Variants in NRXN1 observed in about 807,000 individuals in gnomAD.
NRXN1 encodes the protein neurexin 1.
In NRXN1, 39 loss-of-function variants were observed where a neutral mutation model predicts 150.9. The ratio of observed to expected loss-of-function variants is 0.26; its 90% CI spans 0.20 to 0.34. The LOEUF (loss-of-function observed/expected upper bound fraction) is 0.34. Among genes scored for constraint, NRXN1 ranks in the 10% least tolerant of loss-of-function variants. NRXN1 has a pLI of 1.00. For synonymous variants in NRXN1, 924 were observed against 757.0 expected, an observed-to-expected ratio of 1.22 and a Z score of -3.62; for missense variants, 1,815 against 1,949.9, an observed-to-expected ratio of 0.93 and a Z score of 1.30.
chr2:50,093,083 A>G (rs749770880), intron 18 of NRXN1, among the ~76,000 whole-genome samples: 19 of 150,116 alleles, frequency 1.3e-4, no homozygotes, highest in Non-Finnish European at 1.6e-4. Context: ...TTAAAATAAG[A>G]AAATAATGCA....
chr2:50,039,317 T>C (rs1415423285), intron 21 of NRXN1, among the ~76,000 whole-genome samples: 1 of 151,620 alleles, frequency 6.6e-6, no homozygotes, highest in African/African-American at 2.4e-5. Flanking sequence ...AATACAAAAA[T>C]CAGCTGGGCA....
intron 17 of NRXN1, among the ~76,000 whole-genome samples, chr2:50,450,583 T>C (rs563213129): frequency 1.6e-4 from 24 of 152,304 alleles, no homozygotes; most frequent in African/African-American, 5.8e-4. Context: ...CAATTAATAA[T>C]AGTCTCAGTA....
chr2:50,694,189 G>A (rs12474639), intron 5 of NRXN1, among the ~76,000 whole-genome samples: 25,060 of 152,110 alleles, frequency 0.16, 2,102 homozygotes, highest in African/African-American at 0.18. Context: ...AAATAGAAAC[G>A]TATGAATTGT....
chr2:49,932,807 A>G (rs939120882), intron 22 of NRXN1, among the ~76,000 whole-genome samples: 12 of 152,294 alleles, frequency 7.9e-5, no homozygotes, highest in African/African-American at 2.9e-4. Flanking sequence ...TTTTACACAT[A>G]AATTTCATCT....
At chr2:49,948,057 A>G (rs1361862620) in intron 21 of NRXN1, among the ~76,000 whole-genome samples, 3 of 152,102 alleles carry the variant, frequency 2.0e-5, no homozygotes, top group Admixed American at 1.3e-4. Context: ...CAGTAGCTAC[A>G]TTGGTATTTT....
At chr2:49,942,614 T>TATTTA in intron 22 of NRXN1, among the ~76,000 whole-genome samples, 1 of 149,008 alleles carries the variant, frequency 6.7e-6, no homozygotes, top group East Asian at 2.0e-4. Context: ...TTATTATTAT[T>TATTTA]TTATTATTAT....
At position 49,986,778 on chromosome 2, in the gene NRXN1, A is replaced by G. The variant is rs573762988; in HGVS notation, c.4129-42987T>C. Among the ~76,000 whole-genome samples, 7 of 152,248 alleles carry G rather than the reference A, an allele frequency of 4.6e-5. No individual in the cohort carries two copies. In the South Asian group the frequency reaches 1.5e-3, roughly 32 times the overall value. ...CTCTTCTAGCTTTTTGAAAATATAC[A>G]TTAGGTTGGGCATGGTCACTCACAC... On this transcript the variant is annotated intron_variant, in intron 21 of 22. Coordinates refer to ENST00000401669, the MANE Select transcript of NRXN1 (RefSeq NM_001330078.2).
In NRXN1 at chr2:51,028,037, C is replaced by T. The variant is rs754112662; in HGVS notation, c.237G>A (p.Leu79=). 18 of 1,599,176 alleles carry T rather than the reference C, an allele frequency of 1.1e-5. No individual in the cohort carries two copies. The highest frequency in any genetic ancestry group is 1.6e-4 in the Middle Eastern group (1 of 6,066). Residue 79 remains leucine (L), a synonymous_variant, in exon 2 of 23, where the codon CTG becomes CTA. Transcript: ENST00000401669. The part of the protein sequence containing the change: ...YFDDEGFCDF[L]ELILTRGGRL... ...GGCCGCCGCGCGTCAGAATCAGCTC[C>T]AGGAAGTCGCAGAAGCCCTCGTCGT...
At chr2:50,461,399 C>T (rs929251910) in intron 17 of NRXN1, among the ~76,000 whole-genome samples, 6 of 151,966 alleles carry the variant, frequency 3.9e-5, no homozygotes, top group African/African-American at 1.4e-4. Flanking sequence ...TACAACATTT[C>T]TATACTAATG....
chr2:50,354,540 G>A (rs1035982575), intron 17 of NRXN1, among the ~76,000 whole-genome samples: 7 of 118,078 alleles, frequency 5.9e-5, no homozygotes, highest in South Asian at 2.8e-4. Context: ...CTACCTTAGC[G>A]TCTAGAGTGC....
chr2:50,123,337 T>G (rs894091848), intron 18 of NRXN1, among the ~76,000 whole-genome samples: 5 of 152,068 alleles, frequency 3.3e-5, no homozygotes, highest in Admixed American at 1.3e-4. Context: ...CATGTTAATG[T>G]CTGGGAAAAA....
intron 17 of NRXN1, among the ~76,000 whole-genome samples, chr2:50,441,687 G>C (rs909136707): frequency 6.6e-6 from 1 of 152,120 alleles, no homozygotes; most frequent in Non-Finnish European, 1.5e-5. Context: ...ATTATTTTAA[G>C]TGTAGTCATA....
intron 18 of NRXN1, among the ~76,000 whole-genome samples, chr2:50,131,499 C>A (rs896891482): frequency 3.2e-4 from 48 of 152,088 alleles, no homozygotes; most frequent in African/African-American, 1.0e-3. Context: ...ATGACTCTTC[C>A]AGAGGACATG....
intron 17 of NRXN1, among the ~76,000 whole-genome samples, chr2:50,435,376 G>A (rs546051834): frequency 6.6e-5 from 10 of 152,248 alleles, no homozygotes; most frequent in African/African-American, 2.2e-4. Context: ...AAGAAACTTT[G>A]AAAGATGACA....
At chr2:50,217,257 A>G (rs969281394) in intron 18 of NRXN1, among the ~76,000 whole-genome samples, 1 of 152,100 alleles carries the variant, frequency 6.6e-6, no homozygotes, top group East Asian at 1.9e-4. Flanking sequence ...ATTAAGAATA[A>G]CAAAGACTAT....
Position 50,227,348 on chromosome 2 carries a change from G to A in NRXN1, c.3546+9441C>T, listed in dbSNP as rs1269350455. ...AAAAATACTTAAAGAATACTATGAGGGGGCTTCAAATTGACAACTGAACAG... is the reference window on the plus strand; with the variant it reads ...AAAAATACTTAAAGAATACTATGAGAGGGCTTCAAATTGACAACTGAACAG... On this transcript the variant is annotated intron_variant, in intron 18 of 22. Coordinates refer to ENST00000401669, the MANE Select transcript of NRXN1 (RefSeq NM_001330078.2). 4.0e-5 allele frequency among the ~76,000 whole-genome samples: 6 copies of A among 151,890 alleles called. No individual in the cohort carries two copies. The East Asian group carries it at 1.2e-3, about 30-fold the overall frequency.
intron 18 of NRXN1, among the ~76,000 whole-genome samples, chr2:50,180,189 T>C (rs1451809679): frequency 1.4e-5 from 2 of 140,462 alleles, no homozygotes; most frequent in Non-Finnish European, 3.0e-5. Context: ...ATCTGGCTAA[T>C]TTAAAAAAAA....
chr2:50,018,032 G>A (rs1280295929), intron 21 of NRXN1, among the ~76,000 whole-genome samples: 1 of 152,146 alleles, frequency 6.6e-6, no homozygotes, highest in Non-Finnish European at 1.5e-5. Context: ...TTAACAGTTT[G>A]ATAAACTTTT....
chr2:50,773,166 A>G (rs1207827396), intron 5 of NRXN1, among the ~76,000 whole-genome samples: 4 of 152,026 alleles, frequency 2.6e-5, no homozygotes, highest in African/African-American at 9.7e-5. Context: ...CAATATTTCA[A>G]TCTGTCTCAT....
Sources: allele counts gnomAD v4.1 joint callset (sites outside exome capture counted in the v4.1 genomes callset), GRCh38; gene constraint gnomAD v4.1.1; transcripts MANE v1.5; gene names NCBI Gene and HGNC (gene_info 2026-07-23, HGNC 2026-07-21).